The following ADAMTS3 variants were observed in gnomAD, a reference collection of about 807,000 sequenced individuals.
The protein encoded by ADAMTS3 is A disintegrin and metalloproteinase with thrombospondin motifs 3.
A neutral mutation model predicts 129.0 loss-of-function variants in ADAMTS3; 73 were observed. The ratio of observed to expected loss-of-function variants is 0.57; its 90% CI spans 0.47 to 0.69. ADAMTS3 has a LOEUF of 0.69. Ranked by LOEUF, ADAMTS3 falls within the 30% of genes least tolerant of loss-of-function variation. The pLI, the probability that ADAMTS3 is intolerant of heterozygous loss-of-function variation, is 0.00. For synonymous variants in ADAMTS3, 477 were observed against 510.8 expected, an observed-to-expected ratio of 0.93 and a Z score of 0.89; for missense variants, 1,457 against 1,514.5, an observed-to-expected ratio of 0.96 and a Z score of 0.63.
rs1268972186 is a variant in ADAMTS3, at chr4:72,306,474, G to T, written c.2180-407C>A. 2.6e-5 allele frequency among the ~76,000 whole-genome samples: 4 copies of T among 151,994 alleles called. No homozygotes were observed. In the East Asian group the frequency reaches 7.7e-4, roughly 29 times the overall value. On this transcript the variant is annotated intron_variant, in intron 15 of 21. Transcript: ENST00000286657. ...TTAAGTTGTAAACTTTTTGGGATAT[G>T]TTATCTGCTTACATGTTATTTTAAA...
intron 4 of ADAMTS3, among the ~76,000 whole-genome samples, chr4:72,414,458 C>T (rs568832739): frequency 6.6e-6 from 1 of 151,960 alleles, no homozygotes; most frequent in Non-Finnish European, 1.5e-5. Flanking sequence ...TAGTATACAT[C>T]CTTTAAAAGG....
intron 3 of ADAMTS3, among the ~76,000 whole-genome samples, chr4:72,539,284 A>T (rs767771775): frequency 2.0e-5 from 3 of 152,074 alleles, no homozygotes; most frequent in Non-Finnish European, 2.9e-5. Flanking sequence ...AATATCCAGA[A>T]TATATAAACT....
chr4:72,543,862 G>A (rs368560950), intron 3 of ADAMTS3, among the ~76,000 whole-genome samples: 63 of 151,992 alleles, frequency 4.1e-4, no homozygotes, highest in Non-Finnish European at 6.3e-4. Flanking sequence ...TGCTTAAGAC[G>A]GTACATTTTA....
intron 3 of ADAMTS3, among the ~76,000 whole-genome samples, chr4:72,537,154 C>T (rs1721202261): frequency 6.6e-6 from 1 of 152,180 alleles, no homozygotes; most frequent in South Asian, 2.1e-4. Flanking sequence ...ACCAGTACCC[C>T]AACCCTCAGC....
chr4:72,425,398 C>T (rs1487307082), intron 3 of ADAMTS3, among the ~76,000 whole-genome samples: 2 of 151,880 alleles, frequency 1.3e-5, no homozygotes, highest in Non-Finnish European at 2.9e-5. Flanking sequence ...GTTAGTTACA[C>T]ATGGATACAT....
rs748395588 is a variant in ADAMTS3 at position 72,283,183 on chromosome 4, T to C, written c.3571A>G (p.Ile1191Val). ...QARTSKKDGKIIDNRRPTRSS... is the reference protein window; with the variant it reads ...QARTSKKDGKVIDNRRPTRSS... ...CTTGTCGGACGTCTGTTGTCAATGA[T>C]CTTTCCATCTTTCTTTGAGGTTCTT... is the stretch of plus-strand genomic sequence containing the variant. Residue 1191 changes from isoleucine to valine, a missense_variant, in exon 22 of 22, where the codon ATC (isoleucine) becomes GTC (valine). Transcript: ENST00000286657. The C allele has an allele frequency of 8.1e-6, 13 of 1,613,652 alleles. No individual in the cohort carries two copies. The highest frequency in any genetic ancestry group is 5.5e-5 in the South Asian group (5 of 91,034).
chr4:72,308,460 G>A (rs894250806), intron 15 of ADAMTS3, among the ~76,000 whole-genome samples: 15 of 151,802 alleles, frequency 9.9e-5, no homozygotes, highest in Admixed American at 7.9e-4. Context: ...TTTACTTAAC[G>A]TAAACCATAT....
At chr4:72,361,549 T>C (rs1162027984) in intron 4 of ADAMTS3, among the ~76,000 whole-genome samples, 4 of 152,126 alleles carry the variant, frequency 2.6e-5, no homozygotes, top group Non-Finnish European at 5.9e-5. Context: ...GTTTTTGTAA[T>C]TATGGAGATT....
chr4:72,358,894 TA>T (rs1221855856), intron 4 of ADAMTS3, among the ~76,000 whole-genome samples: 1 of 151,940 alleles, frequency 6.6e-6, no homozygotes, highest in Non-Finnish European at 1.5e-5. Context: ...TGTGCATTAC[TA>T]AAGCATAGGT....
rs149254463 is a variant in ADAMTS3 at position 72,323,068 on chromosome 4, G to A, written c.891C>T (p.Leu297=). The change falls in exon 6 of 22, where the codon CTC becomes CTT. Residue 297 remains leucine (L), a synonymous_variant. Transcript: ENST00000286657. ...CCAGGACCACATTTATATGCACTCCGAGGGACTCATCATGGTAAATTTCAT... is the reference window on the plus strand; with the variant it reads ...CCAGGACCACATTTATATGCACTCCAAGGGACTCATCATGGTAAATTTCAT... The part of the protein sequence containing the change: ...IVNEIYHDES[L]GVHINVVLVR... The A allele has an allele frequency of 2.2e-5, 35 of 1,613,254 alleles. 1 individual carries two copies. In the South Asian group the frequency reaches 2.3e-4, roughly 11 times the overall value.
chr4:72,418,899 G>C (rs1029288087), intron 3 of ADAMTS3, among the ~76,000 whole-genome samples: 1 of 152,174 alleles, frequency 6.6e-6, no homozygotes, highest in African/African-American at 2.4e-5. Flanking sequence ...GTGTCCTCAC[G>C]AGGCCCCAAC....
chr4:72,331,404 G>A (rs937216796), intron 5 of ADAMTS3, among the ~76,000 whole-genome samples: 57 of 151,328 alleles, frequency 3.8e-4, no homozygotes, highest in Admixed American at 2.0e-4. Flanking sequence ...TAGAAACTAT[G>A]TGTTCATGTT....
chr4:72,498,635 ACTCT>A (rs141849709), intron 3 of ADAMTS3, among the ~76,000 whole-genome samples: 43 of 150,700 alleles, frequency 2.9e-4, no homozygotes, highest in African/African-American at 8.3e-4. Flanking sequence ...TCTCTCTCTC[ACTCT>A]CTCTCTCTTT....
intron 3 of ADAMTS3, among the ~76,000 whole-genome samples, chr4:72,504,399 G>T (rs533819469): frequency 6.6e-6 from 1 of 152,116 alleles, no homozygotes; most frequent in Non-Finnish European, 1.5e-5. Context: ...AATAGGCCCT[G>T]ATCTCTTCTG....
chr4:72,554,870 T>C (rs1168159995), intron 2 of ADAMTS3, among the ~76,000 whole-genome samples: 3 of 151,872 alleles, frequency 2.0e-5, no homozygotes, highest in Non-Finnish European at 4.4e-5. Context: ...TACCACTTAC[T>C]ACCCTAGTGA....
In ADAMTS3 at chr4:72,304,065, G is replaced by C; in HGVS notation, c.2276C>G (p.Ala759Gly). Residue 759 changes from alanine to glycine, a missense_variant, in exon 17 of 22, where the codon GCT becomes GGT. Coordinates refer to ENST00000286657, the MANE Select transcript of ADAMTS3 (RefSeq NM_014243.3). ...GCCATTTAAAATATAATGGCCTGTA[G>C]CCTGGTTCTTAATAGCTAAAGGGAG... ...SPHILAIKNQ[A>G]TGHYILNGKG... 1 of 1,613,330 alleles carries C rather than the reference G, an allele frequency of 6.2e-7. No individual in the cohort carries two copies. Among genetic ancestry groups the C allele is most frequent in the African/African-American group, 1.3e-5 (1 of 74,980 alleles).
chr4:72,458,343 G>A (rs978553516), intron 3 of ADAMTS3, among the ~76,000 whole-genome samples: 5 of 151,108 alleles, frequency 3.3e-5, no homozygotes, highest in Admixed American at 2.6e-4. Context: ...TAAAGAATAA[G>A]CAATCACGAT....
At chr4:72,503,812 A>G (rs1720086147) in intron 3 of ADAMTS3, among the ~76,000 whole-genome samples, 1 of 152,174 alleles carries the variant, frequency 6.6e-6, no homozygotes, top group Non-Finnish European at 1.5e-5. Context: ...AAGACTGTTA[A>G]GTCTTCTTGT....
chr4:72,436,317 C>T (rs1017571556), intron 3 of ADAMTS3, among the ~76,000 whole-genome samples: 22 of 152,098 alleles, frequency 1.4e-4, no homozygotes, highest in African/African-American at 4.1e-4. Context: ...TACCATCTCA[C>T]GCCAGTTAGA....
Sources: allele counts gnomAD v4.1 joint callset (sites outside exome capture counted in the v4.1 genomes callset), GRCh38; gene constraint gnomAD v4.1.1; transcripts MANE v1.5; gene names NCBI Gene and HGNC (gene_info 2026-07-23, HGNC 2026-07-21).